The following PABIR3 variants were observed in gnomAD, a reference collection of about 807,000 sequenced individuals.
PABIR3 encodes the protein PABIR family member 1.
Under a neutral mutation model 23.1 loss-of-function variants are expected in PABIR3, and 20 were observed. The ratio of observed to expected loss-of-function variants is 0.86; its 90% CI spans 0.61 to 1.26. PABIR3 has a LOEUF of 1.26. Among genes scored for constraint, PABIR3 ranks in the 50% most tolerant of loss-of-function variants. The pLI, the probability that PABIR3 is intolerant of heterozygous loss-of-function variation, is 0.00. For synonymous variants in PABIR3, 69 were observed against 68.5 expected, an observed-to-expected ratio of 1.01 and a Z score of -0.04; for missense variants, 189 against 195.4, an observed-to-expected ratio of 0.97 and a Z score of 0.20.
intron 9 of PABIR3, among the ~76,000 whole-genome samples, chrX:134,850,643 G>T (rs1400926593): frequency 8.9e-6 from 1 of 112,243 alleles, no homozygotes; most frequent in East Asian, 2.8e-4. Context: ...TTCTCCTTTT[G>T]AGACATGTAT....
At chrX:134,819,579 A>G (rs1357358332) in intron 3 of PABIR3, among the ~76,000 whole-genome samples, 1 of 111,635 alleles carries the variant, frequency 9.0e-6, no homozygotes, top group Non-Finnish European at 1.9e-5. Flanking sequence ...AAGCAGTAAA[A>G]TCCAATTAGA....
intron 4 of PABIR3, among the ~76,000 whole-genome samples, chrX:134,836,798 G>GT (rs2081989918): frequency 8.9e-6 from 1 of 111,795 alleles, no homozygotes; most frequent in African/African-American, 3.3e-5. Flanking sequence ...TCTGCTCACA[G>GT]TTTTTTGTTA....
At chrX:134,821,015 C>A (rs1240993639) in intron 3 of PABIR3, among the ~76,000 whole-genome samples, 2 of 102,307 alleles carry the variant, frequency 2.0e-5, no homozygotes, top group Non-Finnish European at 3.9e-5. Flanking sequence ...GAGACAGACT[C>A]CATATGAAAA....
intron 3 of PABIR3, among the ~76,000 whole-genome samples, chrX:134,827,291 T>C (rs2081548511): frequency 9.0e-6 from 1 of 111,252 alleles, no homozygotes; most frequent in Non-Finnish European, 1.9e-5. Flanking sequence ...TGAACACTCA[T>C]CTTCCCTCCA....
chrX:134,827,067 T>A (rs2081536295), intron 3 of PABIR3, among the ~76,000 whole-genome samples: 1 of 111,566 alleles, frequency 9.0e-6, no homozygotes, highest in Admixed American at 9.6e-5. Context: ...TTCAAGTGAT[T>A]CTTCTGCCTC....
At chrX:134,809,716 T>C in intron 2 of PABIR3, 2 of 712,663 alleles carry the variant, frequency 2.8e-6, no homozygotes, top group Non-Finnish European at 3.3e-6. Flanking sequence ...CTGAGGCCCA[T>C]AAATCTCCAA....
downstream of PABIR3, among the ~76,000 whole-genome samples, chrX:134,855,433 CA>C (rs929087761): frequency 3.5e-4 from 33 of 95,513 alleles, no homozygotes; most frequent in Middle Eastern, 5.3e-3. Flanking sequence ...GACTCTGTCT[CA>C]AAAAAAAAAA....
chrX:134,843,751 T>A (rs2082334359), intron 4 of PABIR3, among the ~76,000 whole-genome samples: 1 of 107,061 alleles, frequency 9.3e-6, no homozygotes, highest in Admixed American at 1.0e-4. Context: ...GTACTTTTAG[T>A]AGAGACGGGG....
chrX:134,809,762 T>C (rs1396160460), intron 2 of PABIR3: 2 of 735,666 alleles, frequency 2.7e-6, no homozygotes, highest in Non-Finnish European at 3.2e-6. Context: ...ACTAGGAAGC[T>C]CTGTTTCCTG....
chrX:134,802,182 C>T (rs2080085398), intron 1 of PABIR3, among the ~76,000 whole-genome samples: 1 of 111,354 alleles, frequency 9.0e-6, no homozygotes, highest in Non-Finnish European at 1.9e-5. Context: ...CTCCCAGGTT[C>T]AAGCGATTCT....
intron 4 of PABIR3, chrX:134,832,951 C>T (rs1309783306): frequency 1.8e-5 from 2 of 111,047 alleles, no homozygotes. Context: ...TGAGGAACCT[C>T]CAAACTTGAA....
intron 2 of PABIR3, among the ~76,000 whole-genome samples, chrX:134,812,171 T>C (rs2080714248): frequency 8.9e-6 from 1 of 112,544 alleles, no homozygotes; most frequent in Non-Finnish European, 1.9e-5. Context: ...GCTAGGGTTT[T>C]ATAAATTCAT....
At chrX:134,821,493 CG>C in intron 3 of PABIR3, 1 of 1,152,402 alleles carries the variant, frequency 8.7e-7, no homozygotes, top group Non-Finnish European at 1.1e-6. Flanking sequence ...CTGCTCAAGC[CG>C]GATGTCACTG....
intron 4 of PABIR3, chrX:134,838,738 TGCCGAGCGGAA>T (rs1284282798): frequency 3.6e-5 from 3 of 82,637 alleles, no homozygotes; most frequent in Non-Finnish European, 6.9e-5. Flanking sequence ...CTCCCTCTGA[TGCCGAGCGGAA>T]GCTGGACTGT....
rs770225940 is a variant in PABIR3, at chrX:134,845,212, C to T, written c.254C>T (p.Ala85Val). The T allele has an allele frequency of 8.4e-7, 1 of 1,190,705 alleles. No homozygotes were observed. Among genetic ancestry groups the T allele is most frequent in the South Asian group, 1.8e-5 (1 of 54,096 alleles). Residue 85 changes from alanine to valine, a missense_variant, in exon 5 of 11, where the codon GCC (alanine) becomes GTC (valine). Coordinates refer to ENST00000645433, the MANE Select transcript of PABIR3 (RefSeq NM_001388447.1). The part of the protein sequence containing the change: ...SRLHQIKQEE[A>V]MDLINRETMS... ...ATTTTCCTACCTTTACAGGAAGAAG[C>T]CATGGATTTAATAAATAGAGAAACA...
chrX:134,809,879 C>T lies in PABIR3; in HGVS notation c.110+2171C>T, dbSNP rs191339413. ...GAGGTAGGAGAGAATATATTGTTCA[C>T]AAAATGAAAAGCAAACTAAGATTGA... On this transcript the variant is annotated intron_variant, in intron 2 of 10. Transcript: ENST00000645433. 7.7e-5 allele frequency: 58 copies of T among 751,416 alleles called. No individual in the cohort carries two copies. In the African/African-American group the frequency reaches 1.1e-3, roughly 14 times the overall value. The allele number at this position is 751,416 out of a possible 1,213,427, so 61.9% of individuals were successfully genotyped here. A position where few individuals can be genotyped will look rare whatever the true frequency, so the allele number is the denominator to read the frequency against.
chrX:134,831,291 A>T (rs1263076019), intron 4 of PABIR3, among the ~76,000 whole-genome samples: 1 of 110,221 alleles, frequency 9.1e-6, no homozygotes, highest in Admixed American at 9.8e-5. Context: ...CTGGTTTCGA[A>T]CTCCTGACCT....
chrX:134,863,758 C>T, the PABIR3 span, among the ~76,000 whole-genome samples: 1 of 111,638 alleles, frequency 9.0e-6, no homozygotes, highest in African/African-American at 3.3e-5. Flanking sequence ...ATCTTCTTAC[C>T]AGCCTAATGA....
chrX:134,812,102 A>G (rs1455283034), intron 2 of PABIR3, among the ~76,000 whole-genome samples: 2 of 112,709 alleles, frequency 1.8e-5, no homozygotes, highest in Admixed American at 1.9e-4. Flanking sequence ...TTGAACATCC[A>G]TCCAGTTATA....
Sources: allele counts gnomAD v4.1 joint callset (sites outside exome capture counted in the v4.1 genomes callset), GRCh38; gene constraint gnomAD v4.1.1; transcripts MANE v1.5; gene names NCBI Gene and HGNC (gene_info 2026-07-23, HGNC 2026-07-21).